The following LRRC9 variants were observed in gnomAD, a reference collection of about 807,000 sequenced individuals.
The protein encoded by LRRC9 is leucine rich repeat containing 9, also known as leucine-rich repeat-containing protein 9.
A neutral mutation model predicts 63.2 loss-of-function variants in LRRC9; 122 were observed. The observed-to-expected ratio is 1.93, with a 90% CI of 1.67 to 2.24. The LOEUF (loss-of-function observed/expected upper bound fraction) is 2.24. Among genes scored for constraint, LRRC9 ranks in the 30% most tolerant of loss-of-function variants. LRRC9 has a pLI of 0.00. For synonymous variants in LRRC9, 366 were observed against 213.1 expected, an observed-to-expected ratio of 1.72 and a Z score of -6.25; for missense variants, 1,071 against 627.7, an observed-to-expected ratio of 1.71 and a Z score of -7.55.
intron 29 of LRRC9, among the ~76,000 whole-genome samples, chr14:60,050,860 C>T (rs193236746): frequency 4.1e-4 from 63 of 152,256 alleles, no homozygotes; most frequent in Non-Finnish European, 6.2e-4. Flanking sequence ...GGGGGTCCAC[C>T]GCAGACCCTA....
At chr14:59,967,534 G>C (rs1373179583) in intron 12 of LRRC9, among the ~76,000 whole-genome samples, 1 of 152,098 alleles carries the variant, frequency 6.6e-6, no homozygotes, top group African/African-American at 2.4e-5. Context: ...AAACTCTCCA[G>C]TCTTCACCTT....
chr14:59,982,222 C>A (rs534795268), intron 16 of LRRC9, among the ~76,000 whole-genome samples, 162 bp downstream of exon 16: 2 of 152,104 alleles, frequency 1.3e-5, no homozygotes, highest in Non-Finnish European at 2.9e-5. Flanking sequence ...TAAATCAGTG[C>A]TCTCTAGTAG....
Position 59,990,623 on chromosome 14 carries a change from GCTGGTCTCAAACTC to G in LRRC9, c.2211+5409_2211+5422del, listed in dbSNP as rs906109761. Reference sequence around the variant, plus strand: ...GATGGGGTTTCACTATGGTGCCTAGGCTGGTCTCAAACTCCTGGTCTCAGGCAGTTCTCCTGCCT... The same window carrying G: ...GATGGGGTTTCACTATGGTGCCTAGGCTGGTCTCAGGCAGTTCTCCTGCCT... On this transcript the variant is annotated intron_variant, in intron 17 of 31. Transcript: ENST00000445360. This position sits in a 1 kb window ranked among gnomAD's most constrained non-coding sequence, Gnocchi z 4.2. Among the ~76,000 whole-genome samples, 5 of 151,794 alleles carry G rather than the reference GCTGGTCTCAAACTC, an allele frequency of 3.3e-5. No individual in the cohort carries two copies. The highest frequency in any genetic ancestry group is 1.2e-4 in the African/African-American group (5 of 41,316).
chr14:59,975,163 ATG>A (rs1201766134), intron 13 of LRRC9, among the ~76,000 whole-genome samples: 3 of 45,490 alleles, frequency 6.6e-5, no homozygotes, highest in Admixed American at 3.5e-4. Flanking sequence ...ATATATATAT[ATG>A]TATATATATA....
At chr14:59,949,938 AGGTGT>A (rs1256337864) in intron 8 of LRRC9, among the ~76,000 whole-genome samples, 2 of 84,150 alleles carry the variant, frequency 2.4e-5, no homozygotes, top group Non-Finnish European at 4.6e-5. Flanking sequence ...ATTTTGGAAT[AGGTGT>A]GGTGTGGTGC....
At chr14:59,975,117 A>ATG (rs1886060832) in intron 13 of LRRC9, among the ~76,000 whole-genome samples, 2 of 16,670 alleles carry the variant, frequency 1.2e-4, no homozygotes, top group South Asian at 2.4e-3. Flanking sequence ...ATATATGTAT[A>ATG]TATATATATG....
intron 23 of LRRC9, among the ~76,000 whole-genome samples, chr14:60,009,284 G>A (rs1890063214): frequency 6.6e-6 from 1 of 152,202 alleles, no homozygotes; most frequent in Non-Finnish European, 1.5e-5. Context: ...AAAGGAAAGA[G>A]GTTTAATGGA....
At chr14:59,992,967 A>G (rs1037728603) in intron 17 of LRRC9, among the ~76,000 whole-genome samples, 1 of 152,190 alleles carries the variant, frequency 6.6e-6, no homozygotes, top group Non-Finnish European at 1.5e-5. Context: ...CGCCACAAAG[A>G]TACTCCTCAA....
rs989713744 is a variant in LRRC9 at position 60,053,420 on chromosome 14, C to CACAT, written c.4131+216_4131+217insCATA. 3.5e-4 allele frequency among the ~76,000 whole-genome samples: 8 copies of CACAT among 22,846 alleles called. No homozygotes were observed. Among genetic ancestry groups the CACAT allele is most frequent in the Non-Finnish European group, 1.5e-3 (8 of 5,454 alleles). 15.0% of individuals were successfully genotyped at this position (22,846 alleles called of 152,430 possible). A position where few individuals can be genotyped will look rare whatever the true frequency, so the allele number is the denominator to read the frequency against. ...ACACACACACACACACACACACACA[C>CACAT]ATATATATGTAAGTCAGGGAACATC... On this transcript the variant is annotated intron_variant, in intron 30 of 31. Coordinates refer to ENST00000445360, the Ensembl canonical transcript of LRRC9. This position sits in a 1 kb window ranked among gnomAD's most constrained non-coding sequence, Gnocchi z 4.8.
intron 29 of LRRC9, among the ~76,000 whole-genome samples, chr14:60,041,392 A>T (rs1892928801): frequency 6.6e-6 from 1 of 152,212 alleles, no homozygotes; most frequent in Non-Finnish European, 1.5e-5. Context: ...ACTTTCAGGT[A>T]CACCAATCAC....
chr14:60,025,865 G>A (rs1182801017), intron 27 of LRRC9, among the ~76,000 whole-genome samples: 1 of 151,978 alleles, frequency 6.6e-6, no homozygotes, highest in Non-Finnish European at 1.5e-5. Flanking sequence ...GTGGTAAGAG[G>A]TGAATCCAAA....
chr14:59,977,345 T>C, exon 14 of LRRC9: 2 of 684,180 alleles, frequency 2.9e-6, no homozygotes, highest in South Asian at 1.6e-5. Flanking sequence ...AAATATTTAC[T>C]AAGTATGTCT....
chr14:59,984,755 T>C lies in LRRC9; in HGVS notation c.2092-350T>C, dbSNP rs74764049. 1.6e-3 allele frequency among the ~76,000 whole-genome samples: 247 copies of C among 152,332 alleles called. 2 individuals are homozygous for C. In the East Asian group the frequency reaches 0.024, roughly 15 times the overall value. ...CCCCAAATCTTTAGGGTCTCCATTG[T>C]TCACTGGTTAGCCTTAGAAACAGAT... On this transcript the variant is annotated intron_variant, in intron 16 of 31. Coordinates refer to ENST00000445360, the Ensembl canonical transcript of LRRC9.
rs1335999787 is a variant in LRRC9 at position 59,927,334 on chromosome 14, TTAAG to T, written c.-33-575_-33-572del. ...AATATTACAAATTATGAAAGTTGGA[TTAAG>T]TTTCATCCAACTGAAGTATTAGTTG... On this transcript the variant is annotated intron_variant, in intron 1 of 31. Coordinates refer to ENST00000445360, the Ensembl canonical transcript of LRRC9. This position sits in a 1 kb window ranked among gnomAD's most constrained non-coding sequence, Gnocchi z 4.4. 6.6e-6 allele frequency among the ~76,000 whole-genome samples: 1 copy of T among 152,098 alleles called. No homozygotes were observed. The highest frequency in any genetic ancestry group is 2.4e-5 in the African/African-American group (1 of 41,444).
At chr14:59,974,793 G>T in intron 13 of LRRC9, 85 bp downstream of exon 13, 1 of 511,898 alleles carries the variant, frequency 2.0e-6, no homozygotes, top group Non-Finnish European at 3.4e-6. Context: ...CTGATACTTG[G>T]TTTTATCAAC....
At position 60,060,902 on chromosome 14, in the gene LRRC9, T is replaced by C. The variant is rs781780592; in HGVS notation, c.4277-2421T>C. Among the ~76,000 whole-genome samples, 2 of 152,016 alleles carry C rather than the reference T, an allele frequency of 1.3e-5. No homozygotes were observed. The highest frequency in any genetic ancestry group is 2.9e-5 in the Non-Finnish European group (2 of 67,980). On this transcript the variant is annotated intron_variant, in intron 31 of 31. Coordinates refer to ENST00000445360, the Ensembl canonical transcript of LRRC9. The surrounding 1 kb of genome is among the most constrained non-coding windows in gnomAD (Gnocchi z 4.0). ...AACCCTAATGGGAGTTTGGATGACTTTGAGGGGTTCAGGACTTCAGTGAAG... is the reference window on the plus strand; with the variant it reads ...AACCCTAATGGGAGTTTGGATGACTCTGAGGGGTTCAGGACTTCAGTGAAG...
intron 27 of LRRC9, among the ~76,000 whole-genome samples, chr14:60,025,275 C>CT (rs538190229): frequency 9.6e-4 from 142 of 147,678 alleles, no homozygotes; most frequent in African/African-American, 2.8e-3. Context: ...ATTTTTCTAT[C>CT]TTTTTTTTTT....
In LRRC9 at chr14:59,958,064, AC is replaced by A. The variant is rs1201007012; in HGVS notation, c.883-1750del. Among the ~76,000 whole-genome samples, 3 of 151,900 alleles carry A rather than the reference AC, an allele frequency of 2.0e-5. No homozygotes were observed. The highest frequency in any genetic ancestry group is 7.3e-5 in the African/African-American group (3 of 41,360). On this transcript the variant is annotated intron_variant, in intron 8 of 31. Coordinates refer to ENST00000445360, the Ensembl canonical transcript of LRRC9. The surrounding 1 kb of genome is among the most constrained non-coding windows in gnomAD (Gnocchi z 4.0). ...GCTCTCCTGTATGAGGTGTCTGTCGACCCCTGTTGGGGTATGTCTCCCAGTC... is the reference window on the plus strand; with the variant it reads ...GCTCTCCTGTATGAGGTGTCTGTCGACCCTGTTGGGGTATGTCTCCCAGTC...
intron 10 of LRRC9, among the ~76,000 whole-genome samples, chr14:59,961,957 C>T (rs554735083): frequency 2.0e-5 from 3 of 152,144 alleles, no homozygotes; most frequent in African/African-American, 7.2e-5. Context: ...AACCCTGGAG[C>T]ATGATTTTAC....
Sources: allele counts gnomAD v4.1 joint callset (sites outside exome capture counted in the v4.1 genomes callset), GRCh38; gene constraint gnomAD v4.1.1; non-coding constraint Gnocchi (gnomAD v3.1); transcripts MANE v1.5; gene names NCBI Gene and HGNC (gene_info 2026-07-23, HGNC 2026-07-21).